The following SPEG variants were observed in gnomAD, a reference collection of about 807,000 sequenced individuals.
SPEG encodes striated muscle preferentially expressed protein kinase.
Under a neutral mutation model 300.4 loss-of-function variants are expected in SPEG, and 114 were observed. The ratio of observed to expected loss-of-function variants is 0.38; its 90% CI spans 0.33 to 0.44. SPEG has a LOEUF of 0.44. Ranked by LOEUF, SPEG falls within the 20% of genes least tolerant of loss-of-function variation. The pLI, the probability that SPEG is intolerant of heterozygous loss-of-function variation, is 1.00. For missense variants in SPEG, 4,201 were observed against 4,586.2 expected (o/e 0.92, Z 2.43); for synonymous variants, 1,964 against 2,018.9 (o/e 0.97, Z 0.73).
At chr2:219,486,464 G>T (rs1044341163) in intron 31 of SPEG, among the ~76,000 whole-genome samples, 4 of 152,190 alleles carry the variant, frequency 2.6e-5, no homozygotes, top group Non-Finnish European at 5.9e-5. Context: ...CTTGGCCAGG[G>T]CAAAGGGGGC....
Position 219,444,731 on chromosome 2 carries a change from G to C in SPEG, c.467G>C (p.Ser156Thr). 1 of 1,614,054 alleles carries C rather than the reference G, an allele frequency of 6.2e-7. No homozygotes were observed. Among genetic ancestry groups the C allele is most frequent in the Non-Finnish European group, 8.5e-7 (1 of 1,179,944 alleles). The change falls in exon 2 of 41, where the codon AGC (serine) becomes ACC (threonine). Residue 156 changes from serine (S) to threonine (T), a missense_variant. Coordinates refer to ENST00000312358, the MANE Select transcript of SPEG (RefSeq NM_005876.5). The surrounding 1 kb of genome is among the most constrained non-coding windows in gnomAD (Gnocchi z 7.8). Reference protein sequence around the residue: ...RLELRDDGAFSTPTGGSDTLV... With the variant: ...RLELRDDGAFTTPTGGSDTLV... Reference sequence around the variant, plus strand: ...GAGCTTCGGGATGACGGGGCCTTCAGCACCCCCACGGGTGAGCTCCTGGGG... The same window carrying C: ...GAGCTTCGGGATGACGGGGCCTTCACCACCCCCACGGGTGAGCTCCTGGGG...
intron 13 of SPEG, 56 bp from the exon 14 acceptor site, chr2:219,471,812 A>G (rs1691899397): frequency 6.2e-7 from 1 of 1,606,742 alleles, no homozygotes; most frequent in Admixed American, 1.7e-5. Context: ...GCATGGGCCT[A>G]CCCCTCAAGG....
At chr2:219,491,993 C>G in intron 39 of SPEG, 118 bp from the exon 40 acceptor site, 1 of 1,355,268 alleles carries the variant, frequency 7.4e-7, no homozygotes, top group South Asian at 1.3e-5. Context: ...ACTGCACACT[C>G]ACACTCAGGT....
chr2:219,455,026 C>T (rs1575076911), intron 6 of SPEG, among the ~76,000 whole-genome samples: 1 of 152,148 alleles, frequency 6.6e-6, no homozygotes, highest in Non-Finnish European at 1.5e-5. Flanking sequence ...CCCAGGAGGC[C>T]GAGGTTGCAG....
Position 219,458,010 on chromosome 2 carries a change from T to C in SPEG, c.2441-3872T>C, listed in dbSNP as rs77791863. Among the ~76,000 whole-genome samples, 441 of 152,266 alleles carry C rather than the reference T, an allele frequency of 2.9e-3. 1 individual carries two copies. Among genetic ancestry groups the C allele is most frequent in the African/African-American group, 0.01 (416 of 41,556 alleles). On this transcript the variant is annotated intron_variant, in intron 6 of 40. Transcript: ENST00000312358. This position sits in a 1 kb window ranked among gnomAD's most constrained non-coding sequence, Gnocchi z 4.2. ...TGCTGCTCTCTTGCTACCTCATACT[T>C]CCTGCTTGCTCTTGTAGTCACTTGT...
Position 219,467,128 on chromosome 2 carries a change from T to C in SPEG, c.2882-46T>C, listed in dbSNP as rs777930450. ...GCGTATGTGTGTCTCCCTCACCCTG[T>C]GTGTCTCTGCTCTGTGCGTGGCCCC... On this transcript the variant is annotated intron_variant, in intron 9 of 40. Coordinates refer to ENST00000312358, the MANE Select transcript of SPEG (RefSeq NM_005876.5). The C allele has an allele frequency of 1.4e-5, 21 of 1,527,974 alleles. No individual in the cohort carries two copies. The Admixed American group carries it at 3.4e-4, about 24-fold the overall frequency. The allele number at this position is 1,527,974 out of a possible 1,614,324, so 94.7% of individuals were successfully genotyped here.
rs796797786 is a variant in SPEG, at chr2:219,479,137, G to T, written c.5028-7G>T. On this transcript the variant is annotated splice_polypyrimidine_tract_variant and splice_region_variant and intron_variant, in intron 22 of 40. Transcript: ENST00000312358. This position sits in a 1 kb window ranked among gnomAD's most constrained non-coding sequence, Gnocchi z 5.5. Reference sequence around the variant, plus strand: ...CTGGGCACTGTTCTCCTTGATCTGGGATGTAGCTGCACAGAGGAGCTGCTG... The same window carrying T: ...CTGGGCACTGTTCTCCTTGATCTGGTATGTAGCTGCACAGAGGAGCTGCTG... 2 of 1,613,338 alleles carry T rather than the reference G, an allele frequency of 1.2e-6. No individual in the cohort carries two copies. The highest frequency in any genetic ancestry group is 1.3e-5 in the African/African-American group (1 of 75,050).
rs1349760689 is a variant in SPEG at position 219,444,912 on chromosome 2, G to A, written c.566G>A (p.Gly189Asp). 6.3e-7 allele frequency: 1 copy of A among 1,575,814 alleles called. No homozygotes were observed. The highest frequency in any genetic ancestry group is 8.6e-7 in the Non-Finnish European group (1 of 1,160,992). ...TCAGAGGAGCAAGTGAGCTGGTGGG[G>A]CAGCGGGCAGACGGTCCTGGAGCAG... The part of the protein sequence containing the change: ...GTSEEQVSWW[G>D]SGQTVLEQEA... Residue 189 changes from glycine to aspartate, a missense_variant, in exon 3 of 41, where the codon GGC (glycine) becomes GAC (aspartate). This residue lies in a region of SPEG where 1,258 missense variants were observed against 1,293.9 expected (regional missense o/e 0.97). Coordinates refer to ENST00000312358, the MANE Select transcript of SPEG (RefSeq NM_005876.5). The surrounding 1 kb of genome is among the most constrained non-coding windows in gnomAD (Gnocchi z 7.8).
chr2:219,439,936 G>C lies in SPEG; in HGVS notation c.388+4571G>C, dbSNP rs897972026. Among the ~76,000 whole-genome samples the C allele has an allele frequency of 3.3e-5, 5 of 152,226 alleles. No homozygotes were observed. The highest frequency in any genetic ancestry group is 1.2e-4 in the African/African-American group (5 of 41,450). On this transcript the variant is annotated intron_variant, in intron 1 of 40. Transcript: ENST00000312358. This position sits in a 1 kb window ranked among gnomAD's most constrained non-coding sequence, Gnocchi z 4.5. ...CATGGAAAGTGCCCATGGGTGTCCA[G>C]GGTCCTCTGGCTGGAACGAGTGTGG... is the stretch of plus-strand genomic sequence containing the variant.
rs1691947561 is a variant in SPEG at position 219,472,264 on chromosome 2, G to A, written c.3873G>A (p.Val1291=). ...VPGPPDGAPQ[V]VAVTGRMVTL... is the part of the protein sequence containing the mutation. The stretch of plus-strand genomic sequence containing the variant: ...GCCCTCCAGATGGCGCCCCGCAGGT[G>A]GTGGCTGTGACGGGGAGGATGGTCA... Residue 1291 remains valine, a synonymous_variant, in exon 15 of 41, where the codon GTG becomes GTA. Coordinates refer to ENST00000312358, the MANE Select transcript of SPEG (RefSeq NM_005876.5). 21 of 1,613,888 alleles carry A rather than the reference G, an allele frequency of 1.3e-5. No individual in the cohort carries two copies. The highest frequency in any genetic ancestry group is 1.8e-5 in the Non-Finnish European group (21 of 1,180,012).
chr2:219,467,517 G>A, intron 10 of SPEG, 83 bp downstream of exon 10: 1 of 1,487,044 alleles, frequency 6.7e-7, no homozygotes. Context: ...TAAGATGCCT[G>A]GGAAACAGAG....
chr2:219,447,941 A>C (rs745756117), intron 3 of SPEG, 33 bp from the exon 4 acceptor site: 1 of 1,601,172 alleles, frequency 6.2e-7, no homozygotes, highest in Non-Finnish European at 8.5e-7. Context: ...AGGCCCCCTG[A>C]ATCCTCTACC....
In SPEG at chr2:219,444,119, C is replaced by T. The variant is rs1019964151; in HGVS notation, c.389-534C>T. Reference sequence around the variant, plus strand: ...CCCCCCCTTTCCCACCCGGCCCCGGCCTCTCCTCACCCTGCCTCAGCTGCA... The same window carrying T: ...CCCCCCCTTTCCCACCCGGCCCCGGTCTCTCCTCACCCTGCCTCAGCTGCA... On this transcript the variant is annotated intron_variant, in intron 1 of 40. Transcript: ENST00000312358. The surrounding 1 kb of genome is among the most constrained non-coding windows in gnomAD (Gnocchi z 7.8). 4 of 1,210,936 alleles carry T rather than the reference C, an allele frequency of 3.3e-6. No individual in the cohort carries two copies. Among genetic ancestry groups the T allele is most frequent in the Admixed American group, 2.2e-5 (1 of 46,238 alleles). 75.0% of individuals were successfully genotyped at this position (1,210,936 alleles called of 1,614,324 possible).
Position 219,483,565 on chromosome 2 carries a change from G to A in SPEG, c.6102G>A (p.Lys2034=), listed in dbSNP as rs891270909. ...GPRELGRGLH[K]AASVELPQRR... ...GGGAGCTGGGCCGGGGCCTGCACAAGGCGGCGTCTGTGGAGCTGCCGCAGC... is the reference window on the plus strand; with the variant it reads ...GGGAGCTGGGCCGGGGCCTGCACAAAGCGGCGTCTGTGGAGCTGCCGCAGC... The change falls in exon 30 of 41, where the codon AAG becomes AAA. Residue 2034 remains lysine (K), a synonymous_variant. Coordinates refer to ENST00000312358, the MANE Select transcript of SPEG (RefSeq NM_005876.5). 3.4e-6 allele frequency: 5 copies of A among 1,451,452 alleles called. No individual in the cohort carries two copies. The highest frequency in any genetic ancestry group is 1.4e-5 in the South Asian group (1 of 70,770). The allele number at this position is 1,451,452 out of a possible 1,614,324, so 89.9% of individuals were successfully genotyped here. A position where few individuals can be genotyped will look rare whatever the true frequency, so the allele number is the denominator to read the frequency against.
rs1692421768 is a variant in SPEG, at chr2:219,477,153, G to A, written c.4561-124G>A. The A allele has an allele frequency of 1.4e-5, 14 of 1,024,732 alleles. No homozygotes were observed. In the South Asian group the frequency reaches 2.1e-4, roughly 15 times the overall value. The allele number at this position is 1,024,732 out of a possible 1,614,324, so 63.5% of individuals were successfully genotyped here. ...GAGGGGTGCAGGGCTTTCTGTGGGA[G>A]ATAAGGGAGGAGCTGACTCTGGGTC... On this transcript the variant is annotated intron_variant, in intron 19 of 40. Coordinates refer to ENST00000312358, the MANE Select transcript of SPEG (RefSeq NM_005876.5). This position sits in a 1 kb window ranked among gnomAD's most constrained non-coding sequence, Gnocchi z 6.4.
At position 219,448,010 on chromosome 2, in the gene SPEG, C is replaced by A; in HGVS notation, c.852C>A (p.Pro284=). The A allele has an allele frequency of 6.2e-7, 1 of 1,612,482 alleles. No homozygotes were observed. The highest frequency in any genetic ancestry group is 8.5e-7 in the Non-Finnish European group (1 of 1,179,892). ...VPQSGLRREE[P]DLQPQLASEA... ...AGAGCGGGTTGCGCAGGGAGGAGCCCGACCTTCAGCCTCAACTGGCCAGCG... is the reference window on the plus strand; with the variant it reads ...AGAGCGGGTTGCGCAGGGAGGAGCCAGACCTTCAGCCTCAACTGGCCAGCG... The change falls in exon 4 of 41, where the codon CCC becomes CCA. Residue 284 remains proline (P), a synonymous_variant. Coordinates refer to ENST00000312358, the MANE Select transcript of SPEG (RefSeq NM_005876.5).
rs568283503 is a variant in SPEG, at chr2:219,480,204, C to T, written c.5342+64C>T. The stretch of plus-strand genomic sequence containing the variant: ...TGCCCTTGGGGCTGTGCTGGGGACG[C>T]GCTCACTGGCAGGGAGATTTACCGA... On this transcript the variant is annotated intron_variant, in intron 25 of 40. Transcript: ENST00000312358. This position sits in a 1 kb window ranked among gnomAD's most constrained non-coding sequence, Gnocchi z 5.3. 9.8e-6 allele frequency: 15 copies of T among 1,525,664 alleles called. No homozygotes were observed. The Admixed American group carries it at 1.7e-4, about 18-fold the overall frequency. 94.5% of individuals were successfully genotyped at this position (1,525,664 alleles called of 1,614,324 possible). A position where few individuals can be genotyped will look rare whatever the true frequency, so the allele number is the denominator to read the frequency against.
chr2:219,488,355 C>A, intron 32 of SPEG, 45 bp downstream of exon 32: 1 of 1,546,108 alleles, frequency 6.5e-7, no homozygotes, highest in Non-Finnish European at 8.8e-7. Flanking sequence ...CAGCAAGTGG[C>A]CCTGAGCCCA....
rs1388695070 is a variant in SPEG at position 219,444,899 on chromosome 2, G to A, written c.553G>A (p.Val185Met). The change falls in exon 3 of 41, where the codon GTG becomes ATG. Residue 185 changes from valine to methionine, a missense_variant. Transcript: ENST00000312358. This position sits in a 1 kb window ranked among gnomAD's most constrained non-coding sequence, Gnocchi z 7.8. ...TSVTGTSEEQVSWWGSGQTVL... is the reference protein window; with the variant it reads ...TSVTGTSEEQMSWWGSGQTVL... ...CGTGACAGGCACCTCAGAGGAGCAA[G>A]TGAGCTGGTGGGGCAGCGGGCAGAC... The A allele has an allele frequency of 1.9e-6, 3 of 1,573,770 alleles. No individual in the cohort carries two copies. In the Admixed American group the frequency reaches 5.3e-5, roughly 28 times the overall value.
Sources: allele counts gnomAD v4.1 joint callset (sites outside exome capture counted in the v4.1 genomes callset), GRCh38; gene constraint gnomAD v4.1.1; regional missense constraint gnomAD v4.1.1; non-coding constraint Gnocchi (gnomAD v3.1); transcripts MANE v1.5; gene names NCBI Gene and HGNC (gene_info 2026-07-23, HGNC 2026-07-21).